ACOT7: variants seen among roughly 807,000 people sequenced by gnomAD.
ACOT7 encodes the protein acyl-CoA thioesterase 7, also known as cytosolic acyl coenzyme A thioester hydrolase.
Under a neutral mutation model 40.2 loss-of-function variants are expected in ACOT7, and 12 were observed. The observed-to-expected ratio is 0.30, with a 90% CI of 0.19 to 0.48. The LOEUF is 0.48. Ranked by LOEUF, ACOT7 falls within the 20% of genes least tolerant of loss-of-function variation. The pLI is 0.99. For synonymous variants in ACOT7, 228 were observed against 219.5 expected (o/e 1.04, Z -0.34); for missense variants, 395 against 530.8 (o/e 0.74, Z 2.51).
At chr1:6,303,883 T>A (rs1640040319) in intron 6 of ACOT7, among the ~76,000 whole-genome samples, 1 of 152,172 alleles carries the variant, frequency 6.6e-6, no homozygotes, top group Admixed American at 6.5e-5. Flanking sequence ...CGCCCATTGA[T>A]TCCTTACATT....
At chr1:6,300,003 T>C (rs1557638932) in intron 6 of ACOT7, among the ~76,000 whole-genome samples, 3 of 152,164 alleles carry the variant, frequency 2.0e-5, no homozygotes, top group Non-Finnish European at 4.4e-5. Context: ...AACCTGGTGA[T>C]GAAGTGACAA....
chr1:6,345,586 C>T (rs568254427), intron 2 of ACOT7, among the ~76,000 whole-genome samples: 6 of 152,244 alleles, frequency 3.9e-5, no homozygotes, highest in Non-Finnish European at 8.8e-5. Context: ...CTCTCTCTGA[C>T]ATGCGGGGAT....
At chr1:6,328,002 G>C (rs1640853769) in intron 4 of ACOT7, among the ~76,000 whole-genome samples, 1 of 152,096 alleles carries the variant, frequency 6.6e-6, no homozygotes, top group African/African-American at 2.4e-5. Context: ...TTGATCTCTT[G>C]ACCTTGCGAT....
At chr1:6,319,079 A>G (rs1640570763) in intron 5 of ACOT7, among the ~76,000 whole-genome samples, 1 of 152,142 alleles carries the variant, frequency 6.6e-6, no homozygotes, top group Non-Finnish European at 1.5e-5. Flanking sequence ...AAGAGCCCCA[A>G]ATATCTTGGA....
At chr1:6,318,118 C>T (rs2006854) in intron 6 of ACOT7, among the ~76,000 whole-genome samples, 10,692 of 152,242 alleles carry the variant, frequency 0.07, 887 homozygotes, top group African/African-American at 0.2. Context: ...TGCAGTGGCA[C>T]GATCATGGCT....
chr1:6,380,775 C>A (rs1000274079), intron 1 of ACOT7, among the ~76,000 whole-genome samples: 5 of 146,622 alleles, frequency 3.4e-5, no homozygotes, highest in African/African-American at 1.3e-4. Flanking sequence ...AACTATAAAA[C>A]TCTTAGAAGA....
intron 2 of ACOT7, among the ~76,000 whole-genome samples, chr1:6,343,801 A>C (rs1571326445): frequency 6.6e-6 from 1 of 152,230 alleles, no homozygotes; most frequent in East Asian, 1.9e-4. Context: ...GCTGACACAG[A>C]TCAAACAGAC....
At chr1:6,277,069 CG>C (rs879680243) in intron 8 of ACOT7, among the ~76,000 whole-genome samples, 4 of 152,300 alleles carry the variant, frequency 2.6e-5, no homozygotes, top group Admixed American at 2.6e-4. Context: ...GTCACAGGCG[CG>C]GCCCCAAAAG....
At chr1:6,391,043 C>T (rs1471042385) in intron 1 of ACOT7, among the ~76,000 whole-genome samples, 1 of 152,108 alleles carries the variant, frequency 6.6e-6, no homozygotes, top group Non-Finnish European at 1.5e-5. Flanking sequence ...CGCCTGTAAT[C>T]CCAGCACTTT....
At chr1:6,363,446 C>T (rs576836265) in intron 1 of ACOT7, among the ~76,000 whole-genome samples, 6 of 152,290 alleles carry the variant, frequency 3.9e-5, no homozygotes, top group Admixed American at 2.6e-4. Context: ...CGCAGTTATC[C>T]GGAGGCCTGT....
intron 5 of ACOT7, among the ~76,000 whole-genome samples, chr1:6,326,931 C>CAAAA (rs1163224507): frequency 1.6e-4 from 10 of 61,226 alleles, no homozygotes; most frequent in Admixed American, 1.5e-3. Context: ...GACTCCAACT[C>CAAAA]AAAAAAAAAA....
rs1043862124 is a variant in ACOT7, at chr1:6,299,053, G to A, written c.713-4073C>T. Among the ~76,000 whole-genome samples the A allele has an allele frequency of 6.6e-6, 1 of 152,228 alleles. No individual in the cohort carries two copies. The highest frequency in any genetic ancestry group is 2.4e-5 in the African/African-American group (1 of 41,456). On this transcript the variant is annotated intron_variant, in intron 6 of 8. Transcript: ENST00000361521. The surrounding 1 kb of genome is among the most constrained non-coding windows in gnomAD (Gnocchi z 4.1). ...GAGGGGCTTGAGTCCCTCTGTCCCCGTCTAGAGTGTGAGAGTCACTGCCAT... is the reference window on the plus strand; with the variant it reads ...GAGGGGCTTGAGTCCCTCTGTCCCCATCTAGAGTGTGAGAGTCACTGCCAT...
intron 2 of ACOT7, among the ~76,000 whole-genome samples, 161 bp downstream of exon 2, chr1:6,349,588 G>A (rs1641528926): frequency 6.6e-6 from 1 of 152,218 alleles, no homozygotes; most frequent in Non-Finnish European, 1.5e-5. Context: ...ATAGCTCTGA[G>A]GGTCCGGTGC....
chr1:6,367,035 A>G (rs1642026914), intron 1 of ACOT7, among the ~76,000 whole-genome samples: 1 of 151,942 alleles, frequency 6.6e-6, no homozygotes, highest in Admixed American at 6.6e-5. Context: ...CTTCTCTACT[A>G]AAAATATAAA....
intron 5 of ACOT7, among the ~76,000 whole-genome samples, chr1:6,323,735 AAAATATATATATATATAT>A (rs1344834341): frequency 0.012 from 623 of 53,938 alleles, 4 homozygotes; most frequent in African/African-American, 0.05. Context: ...AAAAAAAAAA[AAAATATATATATATATAT>A]ATATATATAT....
rs1305937234 is a variant in ACOT7 at position 6,358,148 on chromosome 1, C to T, written c.144-8282G>A. ...CCTCCCAAAGTGCTGAGATTACAGGCGTGAGTCACAGAGTCTGGCCCCTGC... is the reference window on the plus strand; with the variant it reads ...CCTCCCAAAGTGCTGAGATTACAGGTGTGAGTCACAGAGTCTGGCCCCTGC... On this transcript the variant is annotated intron_variant, in intron 1 of 8. Transcript: ENST00000361521. This position sits in a 1 kb window ranked among gnomAD's most constrained non-coding sequence, Gnocchi z 4.1. Among the ~76,000 whole-genome samples, 2 of 152,094 alleles carry T rather than the reference C, an allele frequency of 1.3e-5. No homozygotes were observed. The highest frequency in any genetic ancestry group is 2.1e-4 in the South Asian group (1 of 4,826).
intron 2 of ACOT7, among the ~76,000 whole-genome samples, chr1:6,339,861 T>C (rs112933405): frequency 3.4e-5 from 5 of 148,862 alleles, no homozygotes; most frequent in African/African-American, 1.3e-4. Flanking sequence ...TGCCTCAGCC[T>C]CCCGAGTAGC....
At chr1:6,336,235 G>A (rs1641097698) in intron 3 of ACOT7, among the ~76,000 whole-genome samples, 1 of 149,824 alleles carries the variant, frequency 6.7e-6, no homozygotes. Flanking sequence ...TCGGGAGGCT[G>A]AGGCAGGAGA....
intron 6 of ACOT7, among the ~76,000 whole-genome samples, chr1:6,315,537 G>A (rs554151836): frequency 2.0e-5 from 3 of 152,122 alleles, no homozygotes; most frequent in Admixed American, 6.5e-5. Flanking sequence ...AGATCACGGG[G>A]TCAGGAGATC....
Sources: gnomAD v4.1 joint callset for allele counts (sites outside exome capture counted in the v4.1 genomes callset) on GRCh38, gnomAD v4.1.1 for gene constraint, Gnocchi (gnomAD v3.1) non-coding constraint, MANE v1.5 for transcripts, NCBI Gene and HGNC (gene_info 2026-07-23, HGNC 2026-07-21) for gene names.